APBA2: variants seen among roughly 807,000 people sequenced by gnomAD.
The protein encoded by APBA2 is amyloid beta precursor protein binding family A member 2, also known as amyloid-beta A4 precursor protein-binding family A member 2.
APBA2 carries 30 observed loss-of-function variants against 75.0 expected under a neutral mutation model. The observed-to-expected ratio is 0.40, with a 90% CI of 0.30 to 0.54. APBA2 has a LOEUF of 0.54. APBA2 is among the 20% of genes least tolerant of loss of function. The pLI is 0.49. For missense variants in APBA2, 801 were observed against 1,016.1 expected (o/e 0.79, Z 2.88); for synonymous variants, 444 against 409.6 (o/e 1.08, Z -1.01).
At chr15:28,959,505 T>C (rs1438417933) in intron 2 of APBA2, among the ~76,000 whole-genome samples, 1 of 152,196 alleles carries the variant, frequency 6.6e-6, no homozygotes, top group East Asian at 1.9e-4. Flanking sequence ...TGTACATACA[T>C]GGCGGAAGAC....
intron 3 of APBA2, among the ~76,000 whole-genome samples, chr15:29,010,404 G>A (rs1398328282): frequency 1.3e-5 from 2 of 151,988 alleles, no homozygotes; most frequent in South Asian, 2.1e-4. Flanking sequence ...GACTACAGGC[G>A]CCCGCCACCA....
chr15:29,009,904 A>G (rs1035117666), intron 3 of APBA2, among the ~76,000 whole-genome samples: 4 of 152,160 alleles, frequency 2.6e-5, no homozygotes, highest in East Asian at 1.9e-4. Flanking sequence ...TTGCATTTCT[A>G]TTGAGGGTAC....
rs192069604 is a variant in APBA2, at chr15:28,928,012, C to T, written c.-95+6263C>T. On this transcript the variant is annotated intron_variant, in intron 2 of 14. Transcript: ENST00000683413. ...ATACAAAATTAGCCAGGCGTGATGG[C>T]GGGCACCTGTAGTCCCAGCTACTCG... is the stretch of plus-strand genomic sequence containing the variant. Among the ~76,000 whole-genome samples the T allele has an allele frequency of 1.1e-4, 16 of 151,428 alleles. No individual in the cohort carries two copies. The South Asian group carries it at 1.9e-3, about 18-fold the overall frequency.
chr15:29,051,226 G>T (rs2041579488), intron 3 of APBA2, among the ~76,000 whole-genome samples: 1 of 152,180 alleles, frequency 6.6e-6, no homozygotes, highest in African/African-American at 2.4e-5. Context: ...ACACATCTGG[G>T]TTGCAGATGT....
chr15:29,091,396 G>A (rs971421546), intron 6 of APBA2, among the ~76,000 whole-genome samples: 20 of 152,120 alleles, frequency 1.3e-4, no homozygotes, highest in Non-Finnish European at 2.2e-4. Context: ...GAGCACCAAC[G>A]CGAAGCTCCC....
At chr15:29,019,998 TA>T (rs2039870227) in intron 3 of APBA2, among the ~76,000 whole-genome samples, 1 of 152,268 alleles carries the variant, frequency 6.6e-6, no homozygotes, top group Non-Finnish European at 1.5e-5. Flanking sequence ...ATCTCCATTT[TA>T]TTTTTTCATT....
chr15:29,091,780 G>A (rs1047720532), intron 6 of APBA2, among the ~76,000 whole-genome samples: 2 of 152,180 alleles, frequency 1.3e-5, no homozygotes, highest in East Asian at 3.9e-4. Flanking sequence ...TGGGTTAGAG[G>A]TGAGACCAGG....
intron 2 of APBA2, among the ~76,000 whole-genome samples, chr15:28,960,719 C>T (rs983094213): frequency 6.6e-6 from 1 of 151,220 alleles, no homozygotes; most frequent in African/African-American, 2.4e-5. Context: ...GACCAGGATT[C>T]AGACCACCCC....
At chr15:29,037,968 A>G (rs1357282255) in intron 3 of APBA2, among the ~76,000 whole-genome samples, 1 of 152,138 alleles carries the variant, frequency 6.6e-6, no homozygotes, top group East Asian at 1.9e-4. Flanking sequence ...TACTGTTATA[A>G]TGGCAATCAA....
chr15:28,902,857 C>T (rs1021599923), intron 1 of APBA2, among the ~76,000 whole-genome samples: 7 of 152,110 alleles, frequency 4.6e-5, no homozygotes, highest in African/African-American at 1.4e-4. Context: ...TCATCCTTTT[C>T]GGTTCCTCTT....
intron 1 of APBA2, among the ~76,000 whole-genome samples, chr15:28,921,129 G>A (rs377544191): frequency 6.6e-6 from 1 of 152,162 alleles, no homozygotes; most frequent in Non-Finnish European, 1.5e-5. Context: ...GGTGTGGCAT[G>A]CTCTATGCCA....
At chr15:28,996,368 C>T (rs916258187) in intron 3 of APBA2, among the ~76,000 whole-genome samples, 1 of 152,028 alleles carries the variant, frequency 6.6e-6, no homozygotes, top group African/African-American at 2.4e-5. Context: ...AGGGATGGAG[C>T]GTGGTCCATC....
In APBA2 at chr15:29,103,952, T is replaced by C. The variant is rs551449330; in HGVS notation, c.1525-1427T>C. Among the ~76,000 whole-genome samples, 4 of 152,266 alleles carry C rather than the reference T, an allele frequency of 2.6e-5. No individual in the cohort carries two copies. In the South Asian group the frequency reaches 8.3e-4, roughly 32 times the overall value. On this transcript the variant is annotated intron_variant, in intron 10 of 14. Coordinates refer to ENST00000683413, the MANE Select transcript of APBA2 (RefSeq NM_001353788.2). ...TCTGGCGGTCCCCGGGCGTCGCGCC[T>C]CCAGCTGGGTCTGTGCGCGCGGCAG...
chr15:29,117,537 C>T lies in APBA2; in HGVS notation c.*404C>T, dbSNP rs551386084. Reference sequence around the variant, plus strand: ...GCAGCCGTCACCCCTGCCTCCCGCCCCCTTGGCTGGGACGTCTGGGGTCCT... The same window carrying T: ...GCAGCCGTCACCCCTGCCTCCCGCCTCCTTGGCTGGGACGTCTGGGGTCCT... On this transcript the variant is annotated 3_prime_UTR_variant, in exon 15 of 15. Coordinates refer to ENST00000683413, the MANE Select transcript of APBA2 (RefSeq NM_001353788.2). 47 of 244,214 alleles carry T rather than the reference C, an allele frequency of 1.9e-4. 1 individual carries two copies. In the East Asian group the frequency reaches 5.1e-3, roughly 27 times the overall value. The allele number at this position is 244,214 out of a possible 1,614,324, so 15.1% of individuals were successfully genotyped here.
intron 10 of APBA2, 50 bp from the exon 11 acceptor site, chr15:29,105,329 G>A (rs779053831): frequency 2.8e-5 from 44 of 1,579,538 alleles, no homozygotes; most frequent in Non-Finnish European, 3.5e-5. Flanking sequence ...AGGAGGCTGC[G>A]GGGAGCCTGT....
chr15:28,932,884 G>C (rs899986175), intron 2 of APBA2, among the ~76,000 whole-genome samples: 2 of 152,158 alleles, frequency 1.3e-5, no homozygotes, highest in Non-Finnish European at 2.9e-5. Flanking sequence ...TCTGTATTCT[G>C]CTGCTGAAAC....
chr15:29,112,557 A>T (rs2044792721), intron 13 of APBA2, among the ~76,000 whole-genome samples: 1 of 152,096 alleles, frequency 6.6e-6, no homozygotes, highest in South Asian at 2.1e-4. Context: ...TTTCTCCAGG[A>T]TAAGAGGGCC....
chr15:28,886,843 T>G (rs1034693318), intron 1 of APBA2, among the ~76,000 whole-genome samples: 1 of 152,102 alleles, frequency 6.6e-6, no homozygotes, highest in Non-Finnish European at 1.5e-5. Flanking sequence ...AGGTGCCCGG[T>G]TGGGGGCACG....
chr15:28,958,426 G>A (rs1318782796), intron 2 of APBA2, among the ~76,000 whole-genome samples: 1 of 152,266 alleles, frequency 6.6e-6, no homozygotes, highest in Non-Finnish European at 1.5e-5. Flanking sequence ...AGTATTTTAA[G>A]TGCACAGATA....
Sources: gnomAD v4.1 joint callset for allele counts (sites outside exome capture counted in the v4.1 genomes callset) on GRCh38, gnomAD v4.1.1 for gene constraint, MANE v1.5 for transcripts, NCBI Gene and HGNC (gene_info 2026-07-23, HGNC 2026-07-21) for gene names.